Variants in SHANK2 observed in about 807,000 individuals in gnomAD.
SHANK2 encodes the protein SH3 and multiple ankyrin repeat domains 2.
In SHANK2, 43 loss-of-function variants were observed where a neutral mutation model predicts 133.7. The ratio of observed to expected loss-of-function variants is 0.32; its 90% confidence interval spans 0.25 to 0.41. The LOEUF (loss-of-function observed/expected upper bound fraction) is 0.41, where lower values mean the gene tolerates loss of function less well. SHANK2 is among the 10% of genes least tolerant of loss of function. The pLI is 1.00. For missense variants in SHANK2, 1,994 were observed against 2,235.8 expected (o/e 0.89, Z 2.18); for synonymous variants, 1,017 against 952.8 (o/e 1.07, Z -1.24).
intron 9 of SHANK2, among the ~76,000 whole-genome samples, chr11:71,060,809 G>T (rs1950978200): frequency 6.6e-6 from 1 of 152,170 alleles, no homozygotes. Flanking sequence ...CAACGTGTGA[G>T]TCTGCAAGAG....
intron 14 of SHANK2, among the ~76,000 whole-genome samples, chr11:70,735,355 C>G (rs1555033261): frequency 6.6e-6 from 1 of 152,128 alleles, no homozygotes; most frequent in Non-Finnish European, 1.5e-5. Flanking sequence ...GAAGAGGAAG[C>G]CACACCTGTG....
chr11:70,737,892 A>G (rs1162196645), intron 14 of SHANK2, among the ~76,000 whole-genome samples: 3 of 152,230 alleles, frequency 2.0e-5, no homozygotes, highest in Admixed American at 2.0e-4. Flanking sequence ...ATTTGCTAAT[A>G]AGGTTCCAGG....
chr11:70,605,194 A>G (rs529546939), intron 17 of SHANK2, among the ~76,000 whole-genome samples: 11 of 152,332 alleles, frequency 7.2e-5, no homozygotes, highest in Admixed American at 2.0e-4. Flanking sequence ...GTCATGCCAA[A>G]TCTTAAAGTA....
chr11:70,944,721 A>C (rs1950697908), intron 10 of SHANK2, among the ~76,000 whole-genome samples: 1 of 152,140 alleles, frequency 6.6e-6, no homozygotes, highest in African/African-American at 2.4e-5. Context: ...TGGGAATCAC[A>C]TCCATCTGCT....
chr11:70,842,387 T>A lies in SHANK2; in HGVS notation c.1175-21705A>T, dbSNP rs113087362. Among the ~76,000 whole-genome samples, 39 of 152,306 alleles carry A rather than the reference T, an allele frequency of 2.6e-4. 1 individual carries two copies. Among genetic ancestry groups the A allele is most frequent in the African/African-American group, 8.9e-4 (37 of 41,574 alleles). Reference sequence around the variant, plus strand: ...CCCGAGGTGGTCAAGCTATGAGTCATGGAGGCCCATGGCCCACTCTGCTTC... The same window carrying A: ...CCCGAGGTGGTCAAGCTATGAGTCAAGGAGGCCCATGGCCCACTCTGCTTC... On this transcript the variant is annotated intron_variant, in intron 11 of 25. Coordinates refer to ENST00000601538, the MANE Select transcript of SHANK2 (RefSeq NM_012309.5).
chr11:70,933,006 C>T (rs1191973158), intron 10 of SHANK2, among the ~76,000 whole-genome samples: 1 of 152,186 alleles, frequency 6.6e-6, no homozygotes, highest in Non-Finnish European at 1.5e-5. Flanking sequence ...AGTAATTTCA[C>T]TTCTGGGTCT....
chr11:71,107,236 G>A (rs781946718), intron 6 of SHANK2, among the ~76,000 whole-genome samples: 3 of 152,168 alleles, frequency 2.0e-5, no homozygotes, highest in Non-Finnish European at 2.9e-5. Context: ...GAAGTGTCCC[G>A]TAAGGAAGCA....
chr11:70,674,074 A>G (rs1178651733), intron 15 of SHANK2, among the ~76,000 whole-genome samples: 4 of 152,022 alleles, frequency 2.6e-5, no homozygotes, highest in African/African-American at 9.7e-5. Context: ...TTCCCACAAG[A>G]TCTGATTGTT....
intron 17 of SHANK2, among the ~76,000 whole-genome samples, chr11:70,542,943 G>C (rs34370938): frequency 0.26 from 39,778 of 151,772 alleles, 5,863 homozygotes; most frequent in East Asian, 0.6. Flanking sequence ...CAGGAAGGGG[G>C]CCCCCCCGGG....
chr11:71,178,590 T>A (rs573780690), intron 2 of SHANK2, among the ~76,000 whole-genome samples: 1 of 152,360 alleles, frequency 6.6e-6, no homozygotes, highest in Admixed American at 6.5e-5. Context: ...TATTATGCTA[T>A]GCACATTTTA....
At chr11:71,077,270 T>A (rs987814843) in intron 8 of SHANK2, among the ~76,000 whole-genome samples, 10 of 152,152 alleles carry the variant, frequency 6.6e-5, no homozygotes, top group Non-Finnish European at 7.3e-5. Flanking sequence ...TAAAGACAAC[T>A]AATGTTAGCA....
chr11:70,791,461 G>T (rs915668694), intron 14 of SHANK2, among the ~76,000 whole-genome samples: 4 of 152,218 alleles, frequency 2.6e-5, no homozygotes, highest in Non-Finnish European at 5.9e-5. Flanking sequence ...TGCATGCAAA[G>T]AAGTGAGATT....
At chr11:71,191,328 C>T (rs1455120400) in intron 2 of SHANK2, among the ~76,000 whole-genome samples, 1 of 151,854 alleles carries the variant, frequency 6.6e-6, no homozygotes, top group African/African-American at 2.4e-5. Context: ...CCTGGGCTAC[C>T]GTACAAAGCC....
At chr11:70,946,114 C>A (rs1950725397) in intron 10 of SHANK2, among the ~76,000 whole-genome samples, 2 of 151,226 alleles carry the variant, frequency 1.3e-5, no homozygotes, top group Admixed American at 1.3e-4. Flanking sequence ...CAACCCTTCC[C>A]AGACACAACC....
chr11:71,142,172 T>C (rs554912889), intron 3 of SHANK2, among the ~76,000 whole-genome samples: 4 of 152,042 alleles, frequency 2.6e-5, no homozygotes, highest in Admixed American at 6.5e-5. Flanking sequence ...TTAGAACGGG[T>C]CTAACTGAGA....
In SHANK2 at chr11:70,468,850, G is replaced by T. The variant is rs1259347569; in HGVS notation, c.*4019C>A. ...ACAAGTTTTCACTGGTGAGGCCAAAGAAGAAGTTCAACGTTTAGGTTTAAA... is the reference window on the plus strand; with the variant it reads ...ACAAGTTTTCACTGGTGAGGCCAAATAAGAAGTTCAACGTTTAGGTTTAAA... On this transcript the variant is annotated 3_prime_UTR_variant, in exon 26 of 26. Coordinates refer to ENST00000601538, the MANE Select transcript of SHANK2 (RefSeq NM_012309.5). 1 of 152,252 alleles carries T rather than the reference G, an allele frequency of 6.6e-6. No individual in the cohort carries two copies. Among genetic ancestry groups the T allele is most frequent in the African/African-American group, 2.4e-5 (1 of 41,472 alleles). The allele number at this position is 152,252 out of a possible 1,614,324, so 9.4% of individuals were successfully genotyped here. A position where few individuals can be genotyped will look rare whatever the true frequency, so the allele number is the denominator to read the frequency against.
At chr11:71,082,387 C>T (rs1231522752) in intron 8 of SHANK2, among the ~76,000 whole-genome samples, 2 of 152,220 alleles carry the variant, frequency 1.3e-5, no homozygotes. Flanking sequence ...CCTAGATGGA[C>T]AGTGATCGCC....
chr11:71,058,042 G>C (rs1431987756), intron 9 of SHANK2, among the ~76,000 whole-genome samples: 2 of 150,702 alleles, frequency 1.3e-5, no homozygotes, highest in Non-Finnish European at 2.9e-5. Context: ...CTATAGGGAT[G>C]CGCCACCATG....
intron 14 of SHANK2, among the ~76,000 whole-genome samples, chr11:70,775,747 G>A (rs1555043804): frequency 6.6e-6 from 1 of 152,174 alleles, no homozygotes; most frequent in Non-Finnish European, 1.5e-5. Context: ...GTTTGAGCAG[G>A]AGCCTGCCCT....
Sources: allele counts gnomAD v4.1 joint callset (sites outside exome capture counted in the v4.1 genomes callset), GRCh38; gene constraint gnomAD v4.1.1; transcripts MANE v1.5; gene names NCBI Gene and HGNC (gene_info 2026-07-23, HGNC 2026-07-21).